The following CAMK2D variants were observed in gnomAD, a reference collection of about 807,000 sequenced individuals.
CAMK2D encodes the protein calcium/calmodulin dependent protein kinase II delta.
Under a neutral mutation model 84.0 loss-of-function variants are expected in CAMK2D, and 37 were observed. The ratio of observed to expected loss-of-function variants is 0.44; its 90% confidence interval spans 0.34 to 0.58. CAMK2D has a LOEUF of 0.58. Ranked by LOEUF, CAMK2D falls within the 20% of genes least tolerant of loss-of-function variation. The pLI is 0.02. For missense variants in CAMK2D, 448 were observed against 652.5 expected, an observed-to-expected ratio of 0.69 and a Z score of 3.41; for synonymous variants, 202 against 212.5, an observed-to-expected ratio of 0.95 and a Z score of 0.43.
rs116714560 is a variant in CAMK2D, at chr4:113,639,223, T to C, written c.220+22490A>G. On this transcript the variant is annotated intron_variant, in intron 3 of 20. Coordinates refer to ENST00000511664, the MANE Select transcript of CAMK2D (RefSeq NM_001321571.2). The stretch of plus-strand genomic sequence containing the variant: ...CTTCACTGCACTCCAGCCTGGGCAA[T>C]AGAGAAAAATCCTGTCTCTTAAGGA... Among the ~76,000 whole-genome samples, 748 of 151,606 alleles carry C rather than the reference T, an allele frequency of 4.9e-3. 5 individuals carry two copies. The highest frequency in any genetic ancestry group is 0.017 in the African/African-American group (720 of 41,310).
intron 1 of CAMK2D, 133 bp from the exon 2 acceptor site, chr4:113,759,547 TTC>T: frequency 4.5e-6 from 2 of 448,040 alleles, no homozygotes; most frequent in Non-Finnish European, 7.7e-6. Flanking sequence ...AAATGAACAA[TTC>T]TTCCTGGAAA....
chr4:113,687,305 C>T (rs2099362839), intron 2 of CAMK2D, among the ~76,000 whole-genome samples: 1 of 152,160 alleles, frequency 6.6e-6, no homozygotes, highest in Non-Finnish European at 1.5e-5. Context: ...ACAATATTCA[C>T]ACAAAATGGG....
chr4:113,692,694 A>G (rs1271791348), intron 2 of CAMK2D, among the ~76,000 whole-genome samples: 1 of 152,002 alleles, frequency 6.6e-6, no homozygotes, highest in African/African-American at 2.4e-5. Context: ...ACATACATAC[A>G]TATATTCATA....
intron 16 of CAMK2D, among the ~76,000 whole-genome samples, chr4:113,468,959 G>A (rs1408118065): frequency 6.6e-6 from 1 of 152,138 alleles, no homozygotes; most frequent in African/African-American, 2.4e-5. Context: ...GTACTTTCTG[G>A]CGATTTCTAG....
intron 16 of CAMK2D, among the ~76,000 whole-genome samples, chr4:113,481,412 TAATA>T (rs1172064559): frequency 1.3e-5 from 2 of 152,202 alleles, no homozygotes; most frequent in African/African-American, 4.8e-5. Context: ...ATATTTCAGA[TAATA>T]AATATAAAGA....
chr4:113,469,092 T>A (rs1282555719), intron 16 of CAMK2D, among the ~76,000 whole-genome samples: 1 of 152,184 alleles, frequency 6.6e-6, no homozygotes, highest in Non-Finnish European at 1.5e-5. Context: ...AATTCATATA[T>A]TTTTGGCTCT....
At chr4:113,672,019 G>A (rs1384385036) in intron 2 of CAMK2D, among the ~76,000 whole-genome samples, 4 of 152,140 alleles carry the variant, frequency 2.6e-5, no homozygotes, top group Non-Finnish European at 5.9e-5. Flanking sequence ...GCTGCTAAGT[G>A]TGGATGCATG....
chr4:113,495,946 T>C (rs2097921845), intron 16 of CAMK2D, among the ~76,000 whole-genome samples: 2 of 152,204 alleles, frequency 1.3e-5, no homozygotes, highest in Admixed American at 6.5e-5. Flanking sequence ...ACAAGAATGC[T>C]GGGAAACATA....
At chr4:113,747,776 T>C (rs2099607941) in intron 2 of CAMK2D, among the ~76,000 whole-genome samples, 1 of 152,168 alleles carries the variant, frequency 6.6e-6, no homozygotes, top group Non-Finnish European at 1.5e-5. Context: ...AGTAACTCAG[T>C]GTTGTAAAAT....
chr4:113,717,911 T>C (rs1232348968), intron 2 of CAMK2D, among the ~76,000 whole-genome samples: 4 of 152,102 alleles, frequency 2.6e-5, no homozygotes, highest in Non-Finnish European at 4.4e-5. Context: ...AGATATATCA[T>C]GCTCTTGAGG....
At position 113,557,421 on chromosome 4, in the gene CAMK2D, CCT is replaced by C. The variant is rs2098672330; in HGVS notation, c.276-5327_276-5326del. On this transcript the variant is annotated intron_variant, in intron 4 of 20. Transcript: ENST00000511664. Reference sequence around the variant, plus strand: ...TAGTTGTGATGGCCTTCCTCCAGTTCCTCAAGCATAGTAAGCTCCTTCCTGCC... The same window carrying C: ...TAGTTGTGATGGCCTTCCTCCAGTTCCAAGCATAGTAAGCTCCTTCCTGCC... Among the ~76,000 whole-genome samples, 2 of 152,212 alleles carry C rather than the reference CCT, an allele frequency of 1.3e-5. 1 individual carries two copies. The highest frequency in any genetic ancestry group is 4.1e-4 in the South Asian group (2 of 4,834).
At chr4:113,735,390 G>T (rs563286006) in intron 2 of CAMK2D, among the ~76,000 whole-genome samples, 6 of 150,632 alleles carry the variant, frequency 4.0e-5, no homozygotes, top group African/African-American at 1.5e-4. Context: ...TGGGAGGATC[G>T]CTTGAGCCCG....
chr4:113,519,416 C>T lies in CAMK2D; in HGVS notation c.602-1759G>A, dbSNP rs1028668001. ...GCAGGCAATATGTAATAGATGCCCA[C>T]AATTTAGCTGTTTGATGGAGGAGTG... On this transcript the variant is annotated intron_variant, in intron 8 of 20. Transcript: ENST00000511664. Among the ~76,000 whole-genome samples the T allele has an allele frequency of 3.3e-5, 5 of 152,044 alleles. No homozygotes were observed. In the East Asian group the frequency reaches 9.7e-4, roughly 29 times the overall value.
intron 2 of CAMK2D, among the ~76,000 whole-genome samples, chr4:113,708,271 CAA>C (rs2099469921): frequency 6.6e-6 from 1 of 152,134 alleles, no homozygotes; most frequent in Non-Finnish European, 1.5e-5. Flanking sequence ...TGGTTCATGA[CAA>C]AGTCAATGCC....
chr4:113,539,674 T>C (rs2098517099), intron 6 of CAMK2D, among the ~76,000 whole-genome samples: 1 of 152,092 alleles, frequency 6.6e-6, no homozygotes, highest in Non-Finnish European at 1.5e-5. Context: ...AAATAGTAAA[T>C]CCATCTGGAC....
chr4:113,705,175 A>C (rs1472158785), intron 2 of CAMK2D, among the ~76,000 whole-genome samples: 2 of 151,376 alleles, frequency 1.3e-5, no homozygotes, highest in African/African-American at 4.9e-5. Flanking sequence ...AAAAAAAAAA[A>C]AATTAGCCGG....
chr4:113,681,044 C>A (rs2099344266), intron 2 of CAMK2D, among the ~76,000 whole-genome samples: 1 of 151,994 alleles, frequency 6.6e-6, no homozygotes, highest in Non-Finnish European at 1.5e-5. Context: ...GCTGGAAGAC[C>A]CAGGTATTTC....
At chr4:113,731,078 G>T (rs2099567811) in intron 2 of CAMK2D, among the ~76,000 whole-genome samples, 1 of 152,162 alleles carries the variant, frequency 6.6e-6, no homozygotes, top group Admixed American at 6.5e-5. Flanking sequence ...TTCACCAACT[G>T]AATATTTTCA....
intron 8 of CAMK2D, among the ~76,000 whole-genome samples, chr4:113,520,834 C>T (rs763350720): frequency 6.6e-5 from 10 of 151,962 alleles, no homozygotes; most frequent in Middle Eastern, 6.4e-3. Flanking sequence ...TCAAGATTAG[C>T]CTAGCCAACA....
Sources: gnomAD v4.1 joint callset for allele counts (sites outside exome capture counted in the v4.1 genomes callset) on GRCh38, gnomAD v4.1.1 for gene constraint, MANE v1.5 for transcripts, NCBI Gene and HGNC (gene_info 2026-07-23, HGNC 2026-07-21) for gene names.